MYOM3: variants seen among roughly 807,000 people sequenced by gnomAD.
MYOM3 encodes the protein myomesin-3.
In MYOM3, 155 loss-of-function variants were observed where a neutral mutation model predicts 191.7. That is an observed-to-expected ratio of 0.81 (90% CI 0.71 to 0.92). MYOM3 has a LOEUF of 0.92. Ranked by LOEUF, MYOM3 falls within the 40% of genes least tolerant of loss-of-function variation. The pLI is 0.00. For synonymous variants in MYOM3, 757 were observed against 762.9 expected (o/e 0.99, Z 0.13); for missense variants, 1,889 against 1,890.6 (o/e 1.00, Z 0.02).
chr1:24,092,325 G>A lies in MYOM3; in HGVS notation c.1091-10C>T, dbSNP rs148040295. The A allele has an allele frequency of 4.8e-4, 645 of 1,350,058 alleles. 2 individuals carry two copies. The African/African-American group carries it at 7.4e-3, about 15-fold the overall frequency. The allele number at this position is 1,350,058 out of a possible 1,614,324, so 83.6% of individuals were successfully genotyped here. A position where few individuals can be genotyped will look rare whatever the true frequency, so the allele number is the denominator to read the frequency against. On this transcript the variant is annotated splice_polypyrimidine_tract_variant and intron_variant, in intron 10 of 36. Coordinates refer to ENST00000374434, the MANE Select transcript of MYOM3 (RefSeq NM_152372.4). Reference sequence around the variant, plus strand: ...TTCTCGGCCTCGGCATCTGAAACCCGGGGGTGAGAGGGAGGCCCTTCTAGT... The same window carrying A: ...TTCTCGGCCTCGGCATCTGAAACCCAGGGGTGAGAGGGAGGCCCTTCTAGT...
intron 35 of MYOM3, 123 bp downstream of exon 35, chr1:24,060,937 C>T: frequency 9.2e-7 from 1 of 1,085,546 alleles, no homozygotes. Flanking sequence ...CTCTGTAAGA[C>T]CCTAGAGCCC....
chr1:24,072,707 G>C (rs766971201), intron 23 of MYOM3, among the ~76,000 whole-genome samples: 90 of 152,136 alleles, frequency 5.9e-4, no homozygotes, highest in Admixed American at 9.2e-4. Context: ...GCTAATTTTT[G>C]TATTTTTAGT....
At chr1:24,089,821 C>T (rs145973302) in intron 13 of MYOM3, among the ~76,000 whole-genome samples, 156 bp from the exon 14 acceptor site, 30 of 152,276 alleles carry the variant, frequency 2.0e-4, no homozygotes, top group East Asian at 1.5e-3. Flanking sequence ...TGGGCAGAGC[C>T]GGGGCTAGAA....
chr1:24,092,194 G>A lies in MYOM3; in HGVS notation c.1212C>T (p.Ile404=). Residue 404 remains isoleucine, a synonymous_variant, in exon 11 of 37, where the codon ATC becomes ATT. Coordinates refer to ENST00000374434, the MANE Select transcript of MYOM3 (RefSeq NM_152372.4). The part of the protein sequence containing the change: ...APPSDTRGNP[I]TAYTIERCQG... ...CTCACCGCTCAATGGTGTAGGCAGTGATGGGGTTGCCCCGGGTGTCACTGG... is the reference window on the plus strand; with the variant it reads ...CTCACCGCTCAATGGTGTAGGCAGTAATGGGGTTGCCCCGGGTGTCACTGG... 1 of 1,464,420 alleles carries A rather than the reference G, an allele frequency of 6.8e-7. No homozygotes were observed. The highest frequency in any genetic ancestry group is 9.1e-7 in the Non-Finnish European group (1 of 1,100,866). 90.7% of individuals were successfully genotyped at this position (1,464,420 alleles called of 1,614,324 possible).
intron 5 of MYOM3, among the ~76,000 whole-genome samples, chr1:24,105,134 T>A (rs1192251001): frequency 6.6e-6 from 1 of 150,572 alleles, no homozygotes; most frequent in Non-Finnish European, 1.5e-5. Flanking sequence ...TCTGCCATGG[T>A]TCCCCTCCCA....
Position 24,107,080 on chromosome 1 carries a change from C to G in MYOM3, c.395G>C (p.Arg132Thr), listed in dbSNP as rs201411709. Residue 132 changes from arginine (R) to threonine (T), a missense_variant, in exon 4 of 37, where the codon AGG becomes ACG. By Grantham distance (71) the Arg-to-Thr change is moderately conservative. Transcript: ENST00000374434. ...CACGGCCCACCCCCTTACCCGCCGC[C>G]TCAGCGTCTTCCAGTCCCGCCTCTG... Reference protein sequence around the residue: ...LRQRRDWKTLRRRTEEKVQEA... With the variant: ...LRQRRDWKTLTRRTEEKVQEA... 237 of 1,608,030 alleles carry G rather than the reference C, an allele frequency of 1.5e-4. No individual in the cohort carries two copies. Among genetic ancestry groups the G allele is most frequent in the Non-Finnish European group, 6.9e-5 (81 of 1,177,568 alleles).
intron 33 of MYOM3, among the ~76,000 whole-genome samples, chr1:24,061,510 CT>C (rs1643369939): frequency 6.6e-6 from 1 of 152,102 alleles, no homozygotes. Flanking sequence ...TTTTTTCTTT[CT>C]TTTTATTTAG....
At chr1:24,097,074 T>C (rs1643882092) in intron 7 of MYOM3, among the ~76,000 whole-genome samples, 1 of 152,198 alleles carries the variant, frequency 6.6e-6, no homozygotes, top group African/African-American at 2.4e-5. Context: ...TCTACCTGCT[T>C]TATGCTGTGA....
At chr1:24,110,304 C>T (rs966581941) in intron 1 of MYOM3, among the ~76,000 whole-genome samples, 11 of 152,124 alleles carry the variant, frequency 7.2e-5, no homozygotes, top group Non-Finnish European at 1.3e-4. Flanking sequence ...CTGTCTGGCC[C>T]CTGCCTCTCT....
chr1:24,061,257 T>A lies in MYOM3; in HGVS notation c.3971+16A>T. 6.2e-7 allele frequency: 1 copy of A among 1,613,910 alleles called. No homozygotes were observed. Among genetic ancestry groups the A allele is most frequent in the African/African-American group, 1.3e-5 (1 of 74,976 alleles). On this transcript the variant is annotated intron_variant, in intron 34 of 36. Transcript: ENST00000374434. The stretch of plus-strand genomic sequence containing the variant: ...GGGGCCTATAATTCACACTGAGAAA[T>A]GTAGAGGAAACTTACTTCAGTCTCT...
intron 18 of MYOM3, 155 bp from the exon 19 acceptor site, chr1:24,081,611 G>A: frequency 1.2e-6 from 1 of 851,412 alleles, no homozygotes; most frequent in Non-Finnish European, 1.8e-6. Flanking sequence ...CACCCAGGCT[G>A]GAGTGCAGTG....
At chr1:24,066,358 C>T in intron 28 of MYOM3, 1 of 639,986 alleles carries the variant, frequency 1.6e-6, no homozygotes, top group Non-Finnish European at 2.8e-6. Context: ...TGAACATGGG[C>T]TCCCAAGGCC....
At chr1:24,081,959 A>G (rs1194577145) in intron 18 of MYOM3, 42 bp downstream of exon 18, 1 of 1,568,858 alleles carries the variant, frequency 6.4e-7, no homozygotes, top group African/African-American at 1.3e-5. Context: ...GGTCGCTGCT[A>G]AACAAGTCAT....
intron 6 of MYOM3, among the ~76,000 whole-genome samples, 167 bp from the exon 7 acceptor site, chr1:24,098,178 G>T (rs537467946): frequency 6.6e-6 from 1 of 152,306 alleles, no homozygotes; most frequent in East Asian, 1.9e-4. Context: ...GTTGGCCACT[G>T]CACCTTTCCA....
Position 24,090,860 on chromosome 1 carries a change from C to T in MYOM3, c.1369G>A (p.Val457Ile), listed in dbSNP as rs140717407. The change falls in exon 12 of 37, where the codon GTC becomes ATC. Residue 457 changes from valine to isoleucine, a missense_variant. Transcript: ENST00000374434. ...VRAISRVGSS[V>I]PSKASELVVM... ...ACCAACTCTGAGGCCTTGGAGGGGA[C>T]GCTGCTGCCTACCCTGCTGATGGCT... 40 of 1,614,138 alleles carry T rather than the reference C, an allele frequency of 2.5e-5. No homozygotes were observed. The highest frequency in any genetic ancestry group is 1.3e-4 in the East Asian group (6 of 44,870).
At position 24,069,410 on chromosome 1, in the gene MYOM3, C is replaced by T. The variant is rs1040539755; in HGVS notation, c.3151-1043G>A. On this transcript the variant is annotated intron_variant, in intron 25 of 36. Coordinates refer to ENST00000374434, the MANE Select transcript of MYOM3 (RefSeq NM_152372.4). ...GATGCTGGGACAACCAGCCCCATTG[C>T]ACAGATGGAGAAACACAGGCACAGA... is the stretch of plus-strand genomic sequence containing the variant. 2.6e-5 allele frequency among the ~76,000 whole-genome samples: 4 copies of T among 152,286 alleles called. No homozygotes were observed. In the East Asian group the frequency reaches 7.7e-4, roughly 29 times the overall value.
Position 24,087,790 on chromosome 1 carries a change from T to A in MYOM3, c.1615-963A>T, listed in dbSNP as rs1420937153. Among the ~76,000 whole-genome samples the A allele has an allele frequency of 6.6e-6, 1 of 152,180 alleles. No homozygotes were observed. The highest frequency in any genetic ancestry group is 2.4e-5 in the African/African-American group (1 of 41,432). On this transcript the variant is annotated intron_variant, in intron 14 of 36. Transcript: ENST00000374434. The surrounding 1 kb of genome is among the most constrained non-coding windows in gnomAD (Gnocchi z 4.5). Reference sequence around the variant, plus strand: ...ATATTCTACTGATTTACTCCATTTATCATTGGCACCCCCTCCCCTGACTGC... The same window carrying A: ...ATATTCTACTGATTTACTCCATTTAACATTGGCACCCCCTCCCCTGACTGC...
chr1:24,064,193 A>G lies in MYOM3; in HGVS notation c.3535-34T>C, dbSNP rs201389216. 9.2e-5 allele frequency: 143 copies of G among 1,562,764 alleles called. No homozygotes were observed. The African/African-American group carries it at 1.8e-3, about 20-fold the overall frequency. ...AAGGATGAGCGATGGTGGTGTCAGCATGGGCTCCAGAAGGAGAGATGGATA... is the reference window on the plus strand; with the variant it reads ...AAGGATGAGCGATGGTGGTGTCAGCGTGGGCTCCAGAAGGAGAGATGGATA... On this transcript the variant is annotated intron_variant, in intron 29 of 36. Transcript: ENST00000374434.
At position 24,063,538 on chromosome 1, in the gene MYOM3, GA is replaced by G; in HGVS notation, c.3623-9del. 6.2e-7 allele frequency: 1 copy of G among 1,614,134 alleles called. No homozygotes were observed. The highest frequency in any genetic ancestry group is 2.2e-5 in the East Asian group (1 of 44,872). On this transcript the variant is annotated splice_polypyrimidine_tract_variant and intron_variant, in intron 30 of 36. Transcript: ENST00000374434. This position sits in a 1 kb window ranked among gnomAD's most constrained non-coding sequence, Gnocchi z 4.5. ...TGAAGATGGCATCCAGGGCTGGCGG[GA>G]AACAGAGAGAAGGGTTAGCTGGCAT...
Sources: allele counts gnomAD v4.1 joint callset (sites outside exome capture counted in the v4.1 genomes callset), GRCh38; gene constraint gnomAD v4.1.1; non-coding constraint Gnocchi (gnomAD v3.1); transcripts MANE v1.5; gene names NCBI Gene and HGNC (gene_info 2026-07-23, HGNC 2026-07-21).